The following GLS variants were observed in gnomAD, a reference collection of about 807,000 sequenced individuals.
The protein encoded by GLS is glutaminase, also known as glutaminase kidney isoform, mitochondrial.
A neutral mutation model predicts 86.7 loss-of-function variants in GLS; 36 were observed. The observed-to-expected ratio is 0.42, with a 90% CI of 0.32 to 0.55. The LOEUF is 0.55. GLS is among the 20% of genes least tolerant of loss of function. The pLI is 0.17. For synonymous variants in GLS, 317 were observed against 305.9 expected (o/e 1.04, Z -0.38); for missense variants, 528 against 833.4 (o/e 0.63, Z 4.51).
intron 14 of GLS, chr2:190,933,795 G>T (rs1213674927): frequency 2.9e-6 from 2 of 696,262 alleles, no homozygotes; most frequent in Non-Finnish European, 3.5e-6. Flanking sequence ...TATTTCTTTT[G>T]TGATAAGTTA....
chr2:190,930,465 C>T lies in GLS; in HGVS notation c.1454C>T (p.Ala485Val). ...GGTCTTCCTGCAAAATCTGGAGTTG[C>T]TGGGGGCATTCTTTTAGTTGTCCCC... The part of the protein sequence containing the change: ...HVGLPAKSGV[A>V]GGILLVVPNV... The change falls in exon 13 of 18, where the codon GCT becomes GTT. Residue 485 changes from alanine to valine, a missense_variant. Transcript: ENST00000320717. This position sits in a 1 kb window ranked among gnomAD's most constrained non-coding sequence, Gnocchi z 5.0. 1 of 1,609,102 alleles carries T rather than the reference C, an allele frequency of 6.2e-7. No homozygotes were observed.
Position 190,935,213 on chromosome 2 carries a change from T to G in GLS, c.1650+3576T>G, listed in dbSNP as rs1306092468. 1.2e-6 allele frequency: 1 copy of G among 847,816 alleles called. No individual in the cohort carries two copies. The highest frequency in any genetic ancestry group is 1.8e-5 in the African/African-American group (1 of 54,568). 52.5% of individuals were successfully genotyped at this position (847,816 alleles called of 1,614,324 possible). A position where few individuals can be genotyped will look rare whatever the true frequency, so the allele number is the denominator to read the frequency against. ...TTGTGTTGTTTAGCTTTCATTTGCT[T>G]TGTATATTTAATAATGTACCTTTAT... On this transcript the variant is annotated intron_variant, in intron 14 of 17. Transcript: ENST00000320717. This position sits in a 1 kb window ranked among gnomAD's most constrained non-coding sequence, Gnocchi z 4.2.
chr2:190,926,421 T>C (rs190450484), intron 11 of GLS, among the ~76,000 whole-genome samples: 15 of 152,324 alleles, frequency 9.8e-5, no homozygotes, highest in Non-Finnish European at 1.6e-4. Context: ...TCCTCCTTGC[T>C]ATTTCCAAAC....
intron 14 of GLS, among the ~76,000 whole-genome samples, chr2:190,952,634 G>T (rs1215874501): frequency 6.6e-6 from 1 of 152,150 alleles, no homozygotes; most frequent in Admixed American, 6.5e-5. Flanking sequence ...CTTTGTTGGT[G>T]GAGAGCTGGG....
rs1167962946 is a variant in GLS, at chr2:190,897,214, G to A, written c.605+1489G>A. 2.6e-5 allele frequency among the ~76,000 whole-genome samples: 4 copies of A among 151,854 alleles called. No individual in the cohort carries two copies. Among genetic ancestry groups the A allele is most frequent in the Admixed American group, 6.6e-5 (1 of 15,240 alleles). ...GGCTTTTTTGTATTTTTAGTGAGAC[G>A]GGGTTTCACCACGTTGTCCAGGCTG... On this transcript the variant is annotated intron_variant, in intron 3 of 17. Coordinates refer to ENST00000320717, the MANE Select transcript of GLS (RefSeq NM_014905.5). This position sits in a 1 kb window ranked among gnomAD's most constrained non-coding sequence, Gnocchi z 4.3.
intron 1 of GLS, among the ~76,000 whole-genome samples, chr2:190,887,387 T>C (rs1226418437): frequency 2.0e-5 from 3 of 151,986 alleles, no homozygotes; most frequent in Non-Finnish European, 4.4e-5. Flanking sequence ...CATTTGGGAG[T>C]GTCCTCTGCT....
intron 1 of GLS, among the ~76,000 whole-genome samples, chr2:190,892,904 A>C (rs918551407): frequency 2.6e-5 from 4 of 152,178 alleles, no homozygotes; most frequent in Admixed American, 2.6e-4. Flanking sequence ...CTTTGGCAAT[A>C]ACGTGGTCAT....
At chr2:190,948,077 G>A (rs964542226) in intron 14 of GLS, among the ~76,000 whole-genome samples, 2 of 152,208 alleles carry the variant, frequency 1.3e-5, no homozygotes, top group African/African-American at 4.8e-5. Flanking sequence ...AGAAAGAAGA[G>A]GAATTTGTGG....
chr2:190,900,628 T>A lies in GLS; in HGVS notation c.670T>A (p.Phe224Ile). Residue 224 changes from phenylalanine to isoleucine, a missense_variant, in exon 4 of 18, where the codon TTT becomes ATT. By Grantham distance (21) the Phe-to-Ile change is conservative. Coordinates refer to ENST00000320717, the MANE Select transcript of GLS (RefSeq NM_014905.5). ...AFRRKFVIPDFMSFTSHIDEL... is the reference protein window; with the variant it reads ...AFRRKFVIPDIMSFTSHIDEL... ...TAGAAGAAAGTTTGTGATTCCTGACTTTATGTCTTTTACCTCACACATTGA... is the reference window on the plus strand; with the variant it reads ...TAGAAGAAAGTTTGTGATTCCTGACATTATGTCTTTTACCTCACACATTGA... The A allele has an allele frequency of 6.2e-7, 1 of 1,604,082 alleles. No individual in the cohort carries two copies. The highest frequency in any genetic ancestry group is 8.5e-7 in the Non-Finnish European group (1 of 1,171,320).
chr2:190,908,033 G>A (rs1347462625), intron 6 of GLS, among the ~76,000 whole-genome samples: 1 of 152,088 alleles, frequency 6.6e-6, no homozygotes, highest in Non-Finnish European at 1.5e-5. Flanking sequence ...TGGATGGTTG[G>A]GAAGAATGTG....
intron 14 of GLS, 149 bp downstream of exon 14, chr2:190,931,786 T>C (rs1394822548): frequency 1.2e-5 from 6 of 484,294 alleles, no homozygotes; most frequent in Non-Finnish European, 2.2e-5. Flanking sequence ...GACATATAAA[T>C]CCGGGATCAC....
At chr2:190,919,815 A>T (rs1689677372) in intron 7 of GLS, 1 of 309,928 alleles carries the variant, frequency 3.2e-6, no homozygotes, top group East Asian at 1.7e-4. Flanking sequence ...AGTGATTACA[A>T]TATGGCTGTA....
At position 190,905,792 on chromosome 2, in the gene GLS, T is replaced by C. The variant is rs1203432706; in HGVS notation, c.979+625T>C. Reference sequence around the variant, plus strand: ...TAAGTCTAAACATCATTTAGCTGAGTGCAAACTAAGTTAAACTAGTCCCAT... The same window carrying C: ...TAAGTCTAAACATCATTTAGCTGAGCGCAAACTAAGTTAAACTAGTCCCAT... On this transcript the variant is annotated intron_variant, in intron 6 of 17. Transcript: ENST00000320717. The surrounding 1 kb of genome is among the most constrained non-coding windows in gnomAD (Gnocchi z 4.6). Among the ~76,000 whole-genome samples, 1 of 152,114 alleles carries C rather than the reference T, an allele frequency of 6.6e-6. No individual in the cohort carries two copies. Among genetic ancestry groups the C allele is most frequent in the Non-Finnish European group, 1.5e-5 (1 of 67,976 alleles).
At chr2:190,883,507 A>G (rs865784325) in intron 1 of GLS, among the ~76,000 whole-genome samples, 18 of 152,336 alleles carry the variant, frequency 1.2e-4, no homozygotes, top group African/African-American at 4.3e-4. Context: ...TTAAATTAAC[A>G]TTTTGTAAAA....
In GLS at chr2:190,923,912, TC is replaced by T; in HGVS notation, c.1131-3del. On this transcript the variant is annotated splice_polypyrimidine_tract_variant and splice_region_variant and intron_variant, in intron 9 of 17. Transcript: ENST00000320717. ...TAGAGCAAATGTTTTTTTTTCTTCT[TC>T]CAGGTTTCAGTCTGAAAGAGAAAGT... The T allele has an allele frequency of 6.5e-7, 1 of 1,545,300 alleles. No homozygotes were observed. Among genetic ancestry groups the T allele is most frequent in the South Asian group, 1.2e-5 (1 of 85,768 alleles).
intron 3 of GLS, among the ~76,000 whole-genome samples, chr2:190,899,359 A>T (rs987883858): frequency 6.6e-6 from 1 of 152,086 alleles, no homozygotes; most frequent in Non-Finnish European, 1.5e-5. Context: ...TATGACTGAA[A>T]CAATAGTCAT....
chr2:190,931,693 G>T, intron 14 of GLS, 56 bp downstream of exon 14: 2 of 779,396 alleles, frequency 2.6e-6, no homozygotes, highest in South Asian at 3.3e-5. Context: ...GAGAAAAAGT[G>T]AGATTTGCCT....
At chr2:190,896,389 G>A (rs1286848046) in intron 3 of GLS, 1 of 152,180 alleles carries the variant, frequency 6.6e-6, no homozygotes, top group Non-Finnish European at 1.5e-5. Context: ...GGACATGTGT[G>A]TAATGGATCC....
Position 190,964,374 on chromosome 2 carries a change from A to G in GLS, c.*1388A>G, listed in dbSNP as rs1305441535. 1 of 152,128 alleles carries G rather than the reference A, an allele frequency of 6.6e-6. No homozygotes were observed. Among genetic ancestry groups the G allele is most frequent in the Non-Finnish European group, 1.5e-5 (1 of 68,014 alleles). The allele number at this position is 152,128 out of a possible 1,614,324, so 9.4% of individuals were successfully genotyped here. ...AATGGACTTCTCTGAAGCTGTGTTT[A>G]GTGAAATGAGCTCAAGTACATGAAT... is the stretch of plus-strand genomic sequence containing the variant. On this transcript the variant is annotated 3_prime_UTR_variant, in exon 18 of 18. Coordinates refer to ENST00000320717, the MANE Select transcript of GLS (RefSeq NM_014905.5). This position sits in a 1 kb window ranked among gnomAD's most constrained non-coding sequence, Gnocchi z 5.2.
Sources: allele counts gnomAD v4.1 joint callset (sites outside exome capture counted in the v4.1 genomes callset), GRCh38; gene constraint gnomAD v4.1.1; non-coding constraint Gnocchi (gnomAD v3.1); transcripts MANE v1.5; gene names NCBI Gene and HGNC (gene_info 2026-07-23, HGNC 2026-07-21).